The following ADGRB3 variants were observed in gnomAD, a reference collection of about 807,000 sequenced individuals.
ADGRB3 encodes brain-specific angiogenesis inhibitor 3.
A neutral mutation model predicts 193.4 loss-of-function variants in ADGRB3; 37 were observed. The observed-to-expected ratio is 0.19, with a 90% CI of 0.15 to 0.25. The LOEUF (loss-of-function observed/expected upper bound fraction) is 0.25. ADGRB3 is among the 10% of genes least tolerant of loss of function. ADGRB3 has a pLI of 1.00. For synonymous variants in ADGRB3, 690 were observed against 644.2 expected (o/e 1.07, Z -1.08); for missense variants, 1,637 against 1,852.9 (o/e 0.88, Z 2.14).
intron 3 of ADGRB3, among the ~76,000 whole-genome samples, chr6:68,851,328 T>C: frequency 6.6e-6 from 1 of 151,946 alleles, no homozygotes; most frequent in South Asian, 2.1e-4. Context: ...TCTTTCCTTT[T>C]CTGGACACTG....
chr6:69,007,123 A>G (rs902062571), intron 11 of ADGRB3, among the ~76,000 whole-genome samples: 33 of 152,026 alleles, frequency 2.2e-4, no homozygotes, highest in African/African-American at 7.7e-4. Context: ...AGCATGGCTA[A>G]CTCATCATTC....
chr6:69,269,075 T>C (rs1767114612), intron 20 of ADGRB3, among the ~76,000 whole-genome samples: 1 of 152,146 alleles, frequency 6.6e-6, no homozygotes, highest in Admixed American at 6.6e-5. Context: ...ATCATCACAT[T>C]TACACCTCAA....
intron 22 of ADGRB3, among the ~76,000 whole-genome samples, chr6:69,328,628 A>T (rs1166907986): frequency 6.6e-6 from 1 of 152,168 alleles, no homozygotes; most frequent in East Asian, 1.9e-4. Context: ...GGTTTGAGGT[A>T]GGAATCACTG....
At chr6:68,763,315 C>T (rs1274886673) in intron 3 of ADGRB3, among the ~76,000 whole-genome samples, 1 of 152,156 alleles carries the variant, frequency 6.6e-6, no homozygotes, top group Non-Finnish European at 1.5e-5. Context: ...GTCTTGAACT[C>T]CTGACCTCAG....
intron 3 of ADGRB3, among the ~76,000 whole-genome samples, chr6:68,922,598 C>T (rs529993045): frequency 6.6e-6 from 1 of 152,244 alleles, no homozygotes; most frequent in South Asian, 2.1e-4. Flanking sequence ...GTTCATGAAT[C>T]AACTTTCAAT....
At chr6:68,808,269 T>C (rs1215038021) in intron 3 of ADGRB3, among the ~76,000 whole-genome samples, 1 of 152,170 alleles carries the variant, frequency 6.6e-6, no homozygotes, top group East Asian at 1.9e-4. Context: ...ATCATCATCA[T>C]GTTTTGGTAA....
chr6:68,675,767 C>T (rs1429816874), intron 3 of ADGRB3, among the ~76,000 whole-genome samples: 4 of 152,142 alleles, frequency 2.6e-5, no homozygotes, highest in African/African-American at 7.2e-5. Flanking sequence ...GAAGAGCCCT[C>T]AGTGACTAAG....
At chr6:69,218,068 CAAAA>C (rs556270079) in intron 17 of ADGRB3, among the ~76,000 whole-genome samples, 5 of 81,242 alleles carry the variant, frequency 6.2e-5, no homozygotes, top group Admixed American at 2.7e-4. Context: ...CTCCAGCTGA[CAAAA>C]AAAAAAAAAA....
Position 68,777,257 on chromosome 6 carries a change from T to G in ADGRB3, c.757+137825T>G, listed in dbSNP as rs187142952. The stretch of plus-strand genomic sequence containing the variant: ...TTGCCATTGCCAACAAGCATCATGT[T>G]AAATTAATTGACCTTGGTTCACTTG... On this transcript the variant is annotated intron_variant, in intron 3 of 31. Coordinates refer to ENST00000370598, the MANE Select transcript of ADGRB3 (RefSeq NM_001704.3). 3.3e-5 allele frequency among the ~76,000 whole-genome samples: 5 copies of G among 152,278 alleles called. No individual in the cohort carries two copies. The East Asian group carries it at 5.8e-4, about 18-fold the overall frequency.
At chr6:69,285,219 C>G (rs1322425393) in intron 20 of ADGRB3, among the ~76,000 whole-genome samples, 1 of 152,170 alleles carries the variant, frequency 6.6e-6, no homozygotes, top group Non-Finnish European at 1.5e-5. Flanking sequence ...ACACTGAGTA[C>G]TTAAGAAAGA....
At chr6:68,683,078 C>A (rs1475438313) in intron 3 of ADGRB3, among the ~76,000 whole-genome samples, 2 of 151,904 alleles carry the variant, frequency 1.3e-5, no homozygotes, top group African/African-American at 4.8e-5. Context: ...AGCCACCGCG[C>A]CTGGCCAATT....
At chr6:69,056,244 G>GTT (rs1771542507) in intron 15 of ADGRB3, among the ~76,000 whole-genome samples, 1 of 151,938 alleles carries the variant, frequency 6.6e-6, no homozygotes, top group Non-Finnish European at 1.5e-5. Context: ...TTATATCCTT[G>GTT]TTGTCCATTT....
At chr6:68,798,012 G>T (rs1274046610) in intron 3 of ADGRB3, among the ~76,000 whole-genome samples, 6 of 151,740 alleles carry the variant, frequency 4.0e-5, no homozygotes, top group Admixed American at 3.9e-4. Flanking sequence ...CTTTTTTATT[G>T]TGACACTCCT....
chr6:68,870,603 T>TC (rs571580916), intron 3 of ADGRB3, among the ~76,000 whole-genome samples: 91 of 152,266 alleles, frequency 6.0e-4, no homozygotes, highest in African/African-American at 2.1e-3. Context: ...TCATTATTGA[T>TC]CCCCCGAGTT....
chr6:69,007,681 TCTCTCTCTCTCTCACA>T (rs1434467421), intron 11 of ADGRB3, among the ~76,000 whole-genome samples: 1 of 74,842 alleles, frequency 1.3e-5, no homozygotes, highest in Non-Finnish European at 3.1e-5. Context: ...TCTCTCTCTC[TCTCTCTCTCTCTCACA>T]CACACACACA....
intron 3 of ADGRB3, among the ~76,000 whole-genome samples, chr6:68,679,557 T>C (rs184525552): frequency 3.0e-4 from 46 of 151,430 alleles, no homozygotes; most frequent in Non-Finnish European, 5.9e-4. Context: ...AAAAAAAAAA[T>C]ACATGAAAGG....
intron 16 of ADGRB3, among the ~76,000 whole-genome samples, chr6:69,065,379 G>T (rs1339988885): frequency 1.3e-5 from 2 of 152,076 alleles, no homozygotes; most frequent in African/African-American, 4.8e-5. Context: ...GCCTCTCTGG[G>T]CTGCTCTGGA....
At chr6:68,888,577 A>T (rs1489101783) in intron 3 of ADGRB3, among the ~76,000 whole-genome samples, 1 of 151,760 alleles carries the variant, frequency 6.6e-6, no homozygotes, top group Non-Finnish European at 1.5e-5. Flanking sequence ...ACACACACAT[A>T]AAAAAAACTC....
At chr6:69,178,251 C>A (rs550022872) in intron 17 of ADGRB3, among the ~76,000 whole-genome samples, 1 of 152,234 alleles carries the variant, frequency 6.6e-6, no homozygotes, top group South Asian at 2.1e-4. Context: ...ATAATAGTGA[C>A]CCCTGCTTCT....
Sources: gnomAD v4.1 joint callset for allele counts (sites outside exome capture counted in the v4.1 genomes callset) on GRCh38, gnomAD v4.1.1 for gene constraint, MANE v1.5 for transcripts, NCBI Gene and HGNC (gene_info 2026-07-23, HGNC 2026-07-21) for gene names.